Variants in PLCG2 observed in about 807,000 individuals in gnomAD.
PLCG2 encodes phospholipase C gamma 2.
A neutral mutation model predicts 175.6 loss-of-function variants in PLCG2; 69 were observed. The ratio of observed to expected loss-of-function variants is 0.39; its 90% CI spans 0.32 to 0.48. The LOEUF (loss-of-function observed/expected upper bound fraction) is 0.48. Ranked by LOEUF, PLCG2 falls within the 20% of genes least tolerant of loss-of-function variation. The pLI, the probability that PLCG2 is intolerant of heterozygous loss-of-function variation, is 0.91. For synonymous variants in PLCG2, 827 were observed against 624.0 expected (o/e 1.33, Z -4.85); for missense variants, 1,798 against 1,650.9 (o/e 1.09, Z -1.54).
At chr16:81,802,925 T>C (rs1390480728) in intron 2 of PLCG2, among the ~76,000 whole-genome samples, 1 of 152,200 alleles carries the variant, frequency 6.6e-6, no homozygotes, top group Non-Finnish European at 1.5e-5. Flanking sequence ...GTTTTTAGTA[T>C]ATTCAGAGTT....
chr16:81,915,316 G>T (rs1446035337), intron 19 of PLCG2, among the ~76,000 whole-genome samples: 1 of 152,222 alleles, frequency 6.6e-6, no homozygotes, highest in East Asian at 1.9e-4. Flanking sequence ...CTGGGGATGT[G>T]TAATGAACTT....
intron 13 of PLCG2, among the ~76,000 whole-genome samples, chr16:81,899,907 C>G (rs1343382506): frequency 6.6e-6 from 1 of 152,194 alleles, no homozygotes; most frequent in African/African-American, 2.4e-5. Flanking sequence ...TGACCACACG[C>G]TCAAAAGGCC....
chr16:81,797,664 C>G (rs939005785), intron 2 of PLCG2, among the ~76,000 whole-genome samples: 4 of 152,346 alleles, frequency 2.6e-5, no homozygotes, highest in Non-Finnish European at 4.4e-5. Flanking sequence ...CCTCGGACTT[C>G]CGGTTTCTTC....
chr16:81,753,044 G>A (rs1909843900), intron 1 of PLCG2, among the ~76,000 whole-genome samples: 1 of 152,216 alleles, frequency 6.6e-6, no homozygotes, highest in Non-Finnish European at 1.5e-5. Context: ...GCTACTATTA[G>A]CTAGTGCCTG....
At chr16:81,944,630 A>C (rs955303442) in intron 30 of PLCG2, among the ~76,000 whole-genome samples, 35 of 152,216 alleles carry the variant, frequency 2.3e-4, no homozygotes, top group African/African-American at 7.7e-4. Context: ...GTGCCCAGCT[A>C]AATTTTTTAT....
At chr16:81,746,437 A>C (rs1378147403) in intron 1 of PLCG2, among the ~76,000 whole-genome samples, 2 of 152,228 alleles carry the variant, frequency 1.3e-5, no homozygotes, top group Non-Finnish European at 2.9e-5. Flanking sequence ...CCGCTGGGGC[A>C]GAGTGAGCAC....
At chr16:81,920,423 T>C (rs996454273) in intron 20 of PLCG2, among the ~76,000 whole-genome samples, 2 of 152,138 alleles carry the variant, frequency 1.3e-5, no homozygotes, top group Non-Finnish European at 2.9e-5. Context: ...ATATACACAA[T>C]TAAGATGTTT....
intron 6 of PLCG2, among the ~76,000 whole-genome samples, chr16:81,869,805 G>A (rs1907425741): frequency 6.6e-6 from 1 of 152,058 alleles, no homozygotes; most frequent in African/African-American, 2.4e-5. Flanking sequence ...CAAGTTATTG[G>A]TGGGTCTGGG....
chr16:81,916,323 A>G (rs2143673954), intron 19 of PLCG2, among the ~76,000 whole-genome samples: 1 of 152,202 alleles, frequency 6.6e-6, no homozygotes, highest in Non-Finnish European at 1.5e-5. Flanking sequence ...TTTTAAAAAA[A>G]GAAAAAAATA....
rs762482483 is a variant in PLCG2 at position 81,936,403 on chromosome 16, C to T, written c.3052+25C>T. 5.0e-6 allele frequency: 8 copies of T among 1,599,284 alleles called. No individual in the cohort carries two copies. The African/African-American group carries it at 1.1e-4, about 21-fold the overall frequency. ...GGTAAAGGCCGACTGAAGGTAGTCC[C>T]GTCCCTGCAAGGTGGCGGTTGCAGT... On this transcript the variant is annotated intron_variant, in intron 27 of 32. Transcript: ENST00000564138.
upstream of PLCG2, chr16:81,779,174 T>C (rs1910607618): frequency 6.6e-6 from 1 of 151,588 alleles, no homozygotes. Flanking sequence ...GCACTCGGGG[T>C]GCGCTCCGAG....
At position 81,899,264 on chromosome 16, in the gene PLCG2, A is replaced by ATG. The variant is rs200982591; in HGVS notation, c.1194-1342_1194-1341dup. Among the ~76,000 whole-genome samples, 658 of 132,038 alleles carry ATG rather than the reference A, an allele frequency of 5.0e-3. 3 individuals are homozygous for ATG. Among genetic ancestry groups the ATG allele is most frequent in the African/African-American group, 0.019 (614 of 32,406 alleles). 86.6% of individuals were successfully genotyped at this position (132,038 alleles called of 152,430 possible). A position where few individuals can be genotyped will look rare whatever the true frequency, so the allele number is the denominator to read the frequency against. On this transcript the variant is annotated intron_variant, in intron 13 of 32. Transcript: ENST00000564138. ...ACTTTTCTCCTGCCTCAGGAGGAGT[A>ATG]TGTGTGTATATATATATATATATAT...
chr16:81,845,718 A>G (rs1003170160), intron 2 of PLCG2, among the ~76,000 whole-genome samples: 1 of 152,222 alleles, frequency 6.6e-6, no homozygotes, highest in Non-Finnish European at 1.5e-5. Flanking sequence ...CCCTGTGGGT[A>G]GTGGGATCAT....
chr16:81,890,282 G>A (rs1204323857), intron 10 of PLCG2, among the ~76,000 whole-genome samples: 1 of 152,110 alleles, frequency 6.6e-6, no homozygotes, highest in Admixed American at 6.5e-5. Flanking sequence ...TCTTACCTTA[G>A]CTTTACAAAG....
At chr16:81,829,637 C>G (rs978940668) in intron 2 of PLCG2, among the ~76,000 whole-genome samples, 1 of 152,234 alleles carries the variant, frequency 6.6e-6, no homozygotes, top group Non-Finnish European at 1.5e-5. Flanking sequence ...CGTATGTTCT[C>G]CTTCTGTTCC....
chr16:81,925,892 A>ATAG (rs1555521145), intron 22 of PLCG2, among the ~76,000 whole-genome samples: 3 of 134,738 alleles, frequency 2.2e-5, no homozygotes, highest in African/African-American at 8.5e-5. Context: ...TCTCAAAAAA[A>ATAG]AAAAAAAAAA....
At chr16:81,833,530 A>C (rs1356125529) in intron 2 of PLCG2, among the ~76,000 whole-genome samples, 1 of 145,956 alleles carries the variant, frequency 6.9e-6, no homozygotes, top group African/African-American at 2.4e-5. Context: ...AAAATTTAAA[A>C]AAATCTTTTT....
Position 81,944,654 on chromosome 16 carries a change from T to C in PLCG2, c.3482-1521T>C, listed in dbSNP as rs72824941. On this transcript the variant is annotated intron_variant, in intron 30 of 32. Transcript: ENST00000564138. ...TAAATTTTTTATTTTATTTTATTTC[T>C]TGTAGAGATGGGGGTCTTGCTATGT... Among the ~76,000 whole-genome samples, 1,512 of 152,264 alleles carry C rather than the reference T, an allele frequency of 9.9e-3. 13 individuals are homozygous for C. Among genetic ancestry groups the C allele is most frequent in the Middle Eastern group, 0.037 (11 of 294 alleles).
chr16:81,827,426 G>A (rs1905090155), intron 2 of PLCG2, among the ~76,000 whole-genome samples: 1 of 151,992 alleles, frequency 6.6e-6, no homozygotes, highest in African/African-American at 2.4e-5. Context: ...TAGGCTCAAG[G>A]AGTTCACCTG....
Sources: gnomAD v4.1 joint callset for allele counts (sites outside exome capture counted in the v4.1 genomes callset) on GRCh38, gnomAD v4.1.1 for gene constraint, MANE v1.5 for transcripts, NCBI Gene and HGNC (gene_info 2026-07-23, HGNC 2026-07-21) for gene names.